Variants in RIMS1 observed in about 807,000 individuals in gnomAD.
RIMS1 encodes regulating synaptic membrane exocytosis 1.
In RIMS1, 83 loss-of-function variants were observed where a neutral mutation model predicts 214.1. The ratio of observed to expected loss-of-function variants is 0.39; its 90% confidence interval spans 0.32 to 0.47. The LOEUF (loss-of-function observed/expected upper bound fraction) is 0.47. RIMS1 is among the 20% of genes least tolerant of loss of function. The pLI is 0.99. For synonymous variants in RIMS1, 793 were observed against 786.8 expected, an observed-to-expected ratio of 1.01 and a Z score of -0.13; for missense variants, 2,050 against 2,161.8, an observed-to-expected ratio of 0.95 and a Z score of 1.03.
intron 1 of RIMS1, among the ~76,000 whole-genome samples, chr6:71,932,501 G>A (rs1433893799): frequency 1.3e-5 from 2 of 152,024 alleles, no homozygotes; most frequent in Non-Finnish European, 2.9e-5. Flanking sequence ...GGAGGGAGAA[G>A]ATCAGGAAAA....
At position 72,182,495 on chromosome 6, in the gene RIMS1, G is replaced by A. The variant is rs1359215641; in HGVS notation, c.1024G>A (p.Glu342Lys). The A allele has an allele frequency of 2.5e-6, 4 of 1,606,916 alleles. No individual in the cohort carries two copies. The highest frequency in any genetic ancestry group is 2.7e-5 in the African/African-American group (2 of 74,804). Residue 342 changes from glutamate to lysine, a missense_variant, in exon 6 of 34, where the codon GAG (glutamate) becomes AAG (lysine). Physicochemically the swap from Glu to Lys is moderately conservative, Grantham distance 56. Around this residue, in one of 6 missense-constraint regions of RIMS1, gnomAD observed 882 missense variants for 828.9 expected, o/e 1.06. Coordinates refer to ENST00000521978, the MANE Select transcript of RIMS1 (RefSeq NM_014989.7). ...ACGGGATGAGGGCAAAGCGGCGGAT[G>A]AGGAAAAGCAAAGAAAAGAGGAGGA... ...EKRDEGKAAD[E>K]EKQRKEEDYQ...
chr6:72,012,923 G>A (rs148280622), intron 2 of RIMS1, among the ~76,000 whole-genome samples: 165 of 152,312 alleles, frequency 1.1e-3, no homozygotes, highest in African/African-American at 3.6e-3. Context: ...GCATTCTAGG[G>A]TTATTTGGTC....
intron 4 of RIMS1, among the ~76,000 whole-genome samples, chr6:72,168,473 T>C (rs2046570130): frequency 6.6e-6 from 1 of 152,180 alleles, no homozygotes; most frequent in Admixed American, 6.5e-5. Context: ...TTCCTGATTA[T>C]TAGTTTGGGG....
chr6:72,100,052 G>A (rs547319996), intron 4 of RIMS1, 66 bp downstream of exon 4: 51 of 1,204,466 alleles, frequency 4.2e-5, no homozygotes, highest in Non-Finnish European at 5.7e-5. Flanking sequence ...TTAAGTGAAT[G>A]TTGCACCTAG....
At chr6:72,089,640 A>G (rs1835625884) in intron 2 of RIMS1, among the ~76,000 whole-genome samples, 2 of 151,762 alleles carry the variant, frequency 1.3e-5, no homozygotes, top group South Asian at 4.2e-4. Flanking sequence ...AACTAGAAAT[A>G]CCATTTGACC....
At chr6:71,904,901 G>A (rs1415490592) in intron 1 of RIMS1, among the ~76,000 whole-genome samples, 1 of 152,080 alleles carries the variant, frequency 6.6e-6, no homozygotes, top group Admixed American at 6.6e-5. Flanking sequence ...ACTTCACTGA[G>A]GACATTTAAT....
intron 2 of RIMS1, 114 bp downstream of exon 2, chr6:71,969,177 T>C: frequency 1.0e-6 from 1 of 984,866 alleles, no homozygotes. Flanking sequence ...CTTGTATATG[T>C]AACAAAAAGG....
rs1767895770 is a variant in RIMS1 at position 71,886,854 on chromosome 6, CGCTCTCCCCGGCTCT to C, written c.-166_-152del. 1 of 680,738 alleles carries C rather than the reference CGCTCTCCCCGGCTCT, an allele frequency of 1.5e-6. No individual in the cohort carries two copies. Among genetic ancestry groups the C allele is most frequent in the African/African-American group, 1.8e-5 (1 of 55,214 alleles). 42.2% of individuals were successfully genotyped at this position (680,738 alleles called of 1,614,324 possible). On this transcript the variant is annotated 5_prime_UTR_variant, in exon 1 of 34. Transcript: ENST00000521978. ...AAACAACCATGAAAGACTGGGTTCT[CGCTCTCCCCGGCTCT>C]GCTGCTGCTGCTGCTGCCGCCGCCG...
At chr6:71,949,963 T>C (rs60726949) in intron 1 of RIMS1, among the ~76,000 whole-genome samples, 1,539 of 152,214 alleles carry the variant, frequency 0.01, 20 homozygotes, top group African/African-American at 0.035. Flanking sequence ...CACAATAAAA[T>C]GGCCATCACC....
chr6:71,915,640 C>G (rs1161471915), intron 1 of RIMS1, among the ~76,000 whole-genome samples: 2 of 152,092 alleles, frequency 1.3e-5, no homozygotes, highest in Non-Finnish European at 2.9e-5. Context: ...TTCCTCTTCT[C>G]ACAGGATTGT....
intron 2 of RIMS1, among the ~76,000 whole-genome samples, chr6:72,059,912 T>C (rs904469985): frequency 5.9e-5 from 9 of 152,044 alleles, no homozygotes; most frequent in Non-Finnish European, 1.2e-4. Flanking sequence ...TAGAACTGAG[T>C]AGGTCCTCAA....
intron 1 of RIMS1, among the ~76,000 whole-genome samples, chr6:71,968,308 G>A (rs1794974505): frequency 6.6e-6 from 1 of 152,164 alleles, no homozygotes; most frequent in Non-Finnish European, 1.5e-5. Context: ...TTGGAGCTTT[G>A]TTATATTGTC....
chr6:71,903,643 A>G (rs1302501682), intron 1 of RIMS1, among the ~76,000 whole-genome samples: 1 of 152,150 alleles, frequency 6.6e-6, no homozygotes, highest in Non-Finnish European at 1.5e-5. Flanking sequence ...CAAGGAATGT[A>G]AACAAATTTA....
intron 1 of RIMS1, among the ~76,000 whole-genome samples, chr6:71,914,166 A>G (rs1380603077): frequency 6.6e-6 from 1 of 152,166 alleles, no homozygotes; most frequent in Non-Finnish European, 1.5e-5. Flanking sequence ...CTTTGTGAAT[A>G]GGAAAATATG....
At chr6:72,101,471 C>T (rs1219017496) in intron 4 of RIMS1, among the ~76,000 whole-genome samples, 4 of 151,858 alleles carry the variant, frequency 2.6e-5, no homozygotes, top group African/African-American at 4.8e-5. Context: ...TTTGTCTTAG[C>T]CATGTTAAAG....
At chr6:72,037,877 A>G (rs1238525076) in intron 2 of RIMS1, among the ~76,000 whole-genome samples, 1 of 151,422 alleles carries the variant, frequency 6.6e-6, no homozygotes, top group Non-Finnish European at 1.5e-5. Context: ...ATCAATTAGA[A>G]CCACATCAAC....
intron 29 of RIMS1, among the ~76,000 whole-genome samples, chr6:72,345,257 ACTC>A (rs1347440696): frequency 1.3e-5 from 2 of 151,356 alleles, no homozygotes; most frequent in Non-Finnish European, 3.0e-5. Flanking sequence ...GATATATAAA[ACTC>A]CTGTGGTATC....
chr6:71,962,967 C>G (rs1210662628), intron 1 of RIMS1, among the ~76,000 whole-genome samples: 2 of 152,102 alleles, frequency 1.3e-5, no homozygotes, highest in African/African-American at 4.8e-5. Flanking sequence ...GCTCAATATT[C>G]TGATGTCACC....
intron 2 of RIMS1, among the ~76,000 whole-genome samples, chr6:72,017,509 A>G (rs1439940390): frequency 1.3e-5 from 2 of 152,210 alleles, no homozygotes; most frequent in Admixed American, 6.5e-5. Flanking sequence ...TTAAAAATAA[A>G]GTAAGGTAAA....
Sources: gnomAD v4.1 joint callset for allele counts (sites outside exome capture counted in the v4.1 genomes callset) on GRCh38, gnomAD v4.1.1 for gene constraint, gnomAD v4.1.1 regional missense constraint, MANE v1.5 for transcripts, NCBI Gene and HGNC (gene_info 2026-07-23, HGNC 2026-07-21) for gene names.